The following KIRREL3 variants were observed in gnomAD, a reference collection of about 807,000 sequenced individuals.
The protein encoded by KIRREL3 is kirre like nephrin family adhesion molecule 3.
Under a neutral mutation model 89.7 loss-of-function variants are expected in KIRREL3, and 36 were observed. The observed-to-expected ratio is 0.40, with a 90% confidence interval of 0.31 to 0.53. KIRREL3 has a LOEUF of 0.53. Ranked by LOEUF, KIRREL3 falls within the 20% of genes least tolerant of loss-of-function variation. The pLI is 0.49. For synonymous variants in KIRREL3, 445 were observed against 441.4 expected, an observed-to-expected ratio of 1.01 and a Z score of -0.10; for missense variants, 864 against 1,056.6, an observed-to-expected ratio of 0.82 and a Z score of 2.53.
rs1390765493 is a variant in KIRREL3, at chr11:126,703,596, CA to C, written c.56-140685del. Among the ~76,000 whole-genome samples, 1 of 152,170 alleles carries C rather than the reference CA, an allele frequency of 6.6e-6. No homozygotes were observed. The highest frequency in any genetic ancestry group is 1.5e-5 in the Non-Finnish European group (1 of 68,026). On this transcript the variant is annotated intron_variant, in intron 1 of 16. Coordinates refer to ENST00000525144, the MANE Select transcript of KIRREL3 (RefSeq NM_032531.4). This position sits in a 1 kb window ranked among gnomAD's most constrained non-coding sequence, Gnocchi z 4.6. The stretch of plus-strand genomic sequence containing the variant: ...GATCGGGAGTGATGGGGCTGTAATC[CA>C]AATGCTGGGCTGGCTGACTCCTAAG...
At chr11:126,980,463 G>A (rs1949690077) in intron 1 of KIRREL3, among the ~76,000 whole-genome samples, 1 of 152,122 alleles carries the variant, frequency 6.6e-6, no homozygotes. Flanking sequence ...TGCTGAGAAG[G>A]GGAGGAGTAA....
intron 7 of KIRREL3, among the ~76,000 whole-genome samples, chr11:126,451,403 TGTGC>T (rs1447833930): frequency 2.0e-4 from 30 of 150,726 alleles, no homozygotes; most frequent in African/African-American, 6.1e-4. Context: ...CGTGTGCATG[TGTGC>T]ATGTGTGTGC....
In KIRREL3 at chr11:126,575,163, A is replaced by G. The variant is rs1017860463; in HGVS notation, c.56-12251T>C. On this transcript the variant is annotated intron_variant, in intron 1 of 16. Coordinates refer to ENST00000525144, the MANE Select transcript of KIRREL3 (RefSeq NM_032531.4). The surrounding 1 kb of genome is among the most constrained non-coding windows in gnomAD (Gnocchi z 7.0). ...AGTGAGGGAGCCTGGTTTAAAAAAA[A>G]GAGGCTTAAGCTAAGAAGCCCGGGG... Among the ~76,000 whole-genome samples the G allele has an allele frequency of 6.6e-6, 1 of 152,218 alleles. No homozygotes were observed. Among genetic ancestry groups the G allele is most frequent in the Non-Finnish European group, 1.5e-5 (1 of 68,036 alleles).
Position 126,640,072 on chromosome 11 carries a change from A to G in KIRREL3, c.56-77160T>C, listed in dbSNP as rs1944410483. Among the ~76,000 whole-genome samples, 6 of 152,184 alleles carry G rather than the reference A, an allele frequency of 3.9e-5. No individual in the cohort carries two copies. Reference sequence around the variant, plus strand: ...GAATATGAAATGAACGTGCCCAGAGAAGACAATTAATCTCCCACCTTCCCA... The same window carrying G: ...GAATATGAAATGAACGTGCCCAGAGGAGACAATTAATCTCCCACCTTCCCA... On this transcript the variant is annotated intron_variant, in intron 1 of 16. Transcript: ENST00000525144. This position sits in a 1 kb window ranked among gnomAD's most constrained non-coding sequence, Gnocchi z 4.9.
rs931877212 is a variant in KIRREL3 at position 126,879,221 on chromosome 11, T to C, written c.55+121234A>G. Among the ~76,000 whole-genome samples, 26 of 152,216 alleles carry C rather than the reference T, an allele frequency of 1.7e-4. No homozygotes were observed. Among genetic ancestry groups the C allele is most frequent in the African/African-American group, 6.3e-4 (26 of 41,456 alleles). On this transcript the variant is annotated intron_variant, in intron 1 of 16. Transcript: ENST00000525144. This position sits in a 1 kb window ranked among gnomAD's most constrained non-coding sequence, Gnocchi z 5.4. ...ACCTATAACCAGGATGCAGATGCTA[T>C]ATGCAGCTGTTATGCAAAGAAGCTC...
chr11:126,451,471 TGCATGTGTGTGTGC>T (rs1486775049), intron 7 of KIRREL3, among the ~76,000 whole-genome samples: 59 of 145,862 alleles, frequency 4.0e-4, no homozygotes, highest in Middle Eastern at 7.1e-3. Flanking sequence ...TGTGGGCATG[TGCATGTGTGTGTGC>T]GCATGTGTGT....
rs1957457791 is a variant in KIRREL3 at position 126,489,687 on chromosome 11, C to T, written c.434-16221G>A. ...TCCCCTCTGCATTCCCCACTCTCCACCTTCCACCACCCCTTTCTCAGGGGC... is the reference window on the plus strand; with the variant it reads ...TCCCCTCTGCATTCCCCACTCTCCATCTTCCACCACCCCTTTCTCAGGGGC... On this transcript the variant is annotated intron_variant, in intron 4 of 16. Transcript: ENST00000525144. The surrounding 1 kb of genome is among the most constrained non-coding windows in gnomAD (Gnocchi z 5.5). Among the ~76,000 whole-genome samples, 1 of 152,160 alleles carries T rather than the reference C, an allele frequency of 6.6e-6. No homozygotes were observed. Among genetic ancestry groups the T allele is most frequent in the South Asian group, 2.1e-4 (1 of 4,826 alleles).
Position 126,742,409 on chromosome 11 carries a change from A to T in KIRREL3, c.56-179497T>A, listed in dbSNP as rs1165499436. On this transcript the variant is annotated intron_variant, in intron 1 of 16. Transcript: ENST00000525144. This position sits in a 1 kb window ranked among gnomAD's most constrained non-coding sequence, Gnocchi z 5.3. ...TTATTTTCATGCCTCAGTGAGCTGG[A>T]CTGATAATATGGAATGGCCAACATG... 6.6e-6 allele frequency among the ~76,000 whole-genome samples: 1 copy of T among 152,124 alleles called. No individual in the cohort carries two copies. Among genetic ancestry groups the T allele is most frequent in the Non-Finnish European group, 1.5e-5 (1 of 68,034 alleles).
At position 126,754,627 on chromosome 11, in the gene KIRREL3, G is replaced by A. The variant is rs1949435284; in HGVS notation, c.56-191715C>T. ...AAAGGGATCATTTTTAAAGTCACCA[G>A]GGAGTTCGTGCGCACTCAGTGGTGT... On this transcript the variant is annotated intron_variant, in intron 1 of 16. Transcript: ENST00000525144. The surrounding 1 kb of genome is among the most constrained non-coding windows in gnomAD (Gnocchi z 5.1). 6.6e-6 allele frequency among the ~76,000 whole-genome samples: 1 copy of A among 151,904 alleles called. No homozygotes were observed. Among genetic ancestry groups the A allele is most frequent in the Admixed American group, 6.6e-5 (1 of 15,224 alleles).
intron 8 of KIRREL3, 98 bp from the exon 9 acceptor site, chr11:126,446,984 G>A: frequency 1.4e-6 from 2 of 1,449,950 alleles, no homozygotes; most frequent in Non-Finnish European, 1.9e-6. Context: ...TTGACTGGGG[G>A]GAGGCAGGCA....
intron 1 of KIRREL3, among the ~76,000 whole-genome samples, chr11:126,762,983 G>A (rs962898616): frequency 6.6e-6 from 1 of 152,140 alleles, no homozygotes; most frequent in Non-Finnish European, 1.5e-5. Flanking sequence ...CAGCTGTGGG[G>A]CTGCACTCTC....
At chr11:126,690,387 T>C (rs2135130044) in intron 1 of KIRREL3, among the ~76,000 whole-genome samples, 1 of 152,064 alleles carries the variant, frequency 6.6e-6, no homozygotes, top group South Asian at 2.1e-4. Flanking sequence ...CCCATTAGTT[T>C]CAGAGCAGTT....
In KIRREL3 at chr11:126,786,834, T is replaced by A. The variant is rs112314152; in HGVS notation, c.55+213621A>T. Among the ~76,000 whole-genome samples the A allele has an allele frequency of 6.5e-3, 994 of 152,256 alleles. 14 individuals are homozygous for A. Among genetic ancestry groups the A allele is most frequent in the African/African-American group, 0.023 (949 of 41,554 alleles). ...GAGGGCACTCTGGATGAAGCCCTCA[T>A]TTGATTTCCTAACAGGGCTGAAGCT... On this transcript the variant is annotated intron_variant, in intron 1 of 16. Coordinates refer to ENST00000525144, the MANE Select transcript of KIRREL3 (RefSeq NM_032531.4).
chr11:126,672,977 C>A (rs75505017), intron 1 of KIRREL3, among the ~76,000 whole-genome samples: 384 of 152,288 alleles, frequency 2.5e-3, no homozygotes, highest in Non-Finnish European at 4.3e-3. Flanking sequence ...AGTAGCATAA[C>A]AAATAGGCTT....
At position 126,607,368 on chromosome 11, in the gene KIRREL3, G is replaced by A. The variant is rs1218410350; in HGVS notation, c.56-44456C>T. Among the ~76,000 whole-genome samples, 1 of 152,112 alleles carries A rather than the reference G, an allele frequency of 6.6e-6. No homozygotes were observed. The highest frequency in any genetic ancestry group is 1.5e-5 in the Non-Finnish European group (1 of 68,022). Reference sequence around the variant, plus strand: ...GGGCTGCTTTCTAATGTGAATATGAGTACTCTTGGCTGGGAGAGGAAGGGC... The same window carrying A: ...GGGCTGCTTTCTAATGTGAATATGAATACTCTTGGCTGGGAGAGGAAGGGC... On this transcript the variant is annotated intron_variant, in intron 1 of 16. Coordinates refer to ENST00000525144, the MANE Select transcript of KIRREL3 (RefSeq NM_032531.4). The surrounding 1 kb of genome is among the most constrained non-coding windows in gnomAD (Gnocchi z 6.6).
intron 1 of KIRREL3, among the ~76,000 whole-genome samples, chr11:126,670,001 C>G (rs936614634): frequency 1.3e-5 from 2 of 152,214 alleles, no homozygotes; most frequent in African/African-American, 4.8e-5. Flanking sequence ...TCCCCTGACT[C>G]TTCCCATTCC....
At position 126,978,812 on chromosome 11, in the gene KIRREL3, T is replaced by TC. The variant is rs1005614723; in HGVS notation, c.55+21642dup. Among the ~76,000 whole-genome samples the TC allele has an allele frequency of 1.3e-5, 2 of 152,152 alleles. No individual in the cohort carries two copies. Among genetic ancestry groups the TC allele is most frequent in the African/African-American group, 4.8e-5 (2 of 41,448 alleles). On this transcript the variant is annotated intron_variant, in intron 1 of 16. Coordinates refer to ENST00000525144, the MANE Select transcript of KIRREL3 (RefSeq NM_032531.4). This position sits in a 1 kb window ranked among gnomAD's most constrained non-coding sequence, Gnocchi z 4.2. ...CCACAGGAGCTACCATATGTGGATGTCCCCTGGGTCCCTACCTCTCTGCAC... is the reference window on the plus strand; with the variant it reads ...CCACAGGAGCTACCATATGTGGATGTCCCCCTGGGTCCCTACCTCTCTGCAC...
In KIRREL3 at chr11:126,454,098, C is replaced by T. The variant is rs913181690; in HGVS notation, c.848+2251G>A. 1.3e-5 allele frequency among the ~76,000 whole-genome samples: 2 copies of T among 151,526 alleles called. No homozygotes were observed. The highest frequency in any genetic ancestry group is 1.3e-4 in the Admixed American group (2 of 15,172). ...CATTAACTGCCACCCTCCCATCGCC[C>T]GGATTCACCAGCTGTTAACATTTTC... On this transcript the variant is annotated intron_variant, in intron 7 of 16. Transcript: ENST00000525144. The surrounding 1 kb of genome is among the most constrained non-coding windows in gnomAD (Gnocchi z 5.8).
chr11:126,824,584 G>A (rs2134463556), intron 1 of KIRREL3, among the ~76,000 whole-genome samples: 1 of 152,338 alleles, frequency 6.6e-6, no homozygotes, highest in African/African-American at 2.4e-5. Flanking sequence ...AATGGGGAAA[G>A]GGACGATGTT....
Sources: allele counts gnomAD v4.1 joint callset (sites outside exome capture counted in the v4.1 genomes callset), GRCh38; gene constraint gnomAD v4.1.1; non-coding constraint Gnocchi (gnomAD v3.1); transcripts MANE v1.5; gene names NCBI Gene and HGNC (gene_info 2026-07-23, HGNC 2026-07-21).